PHYHD1: variants seen among roughly 807,000 people sequenced by gnomAD.
PHYHD1 encodes phytanoyl-CoA dioxygenase domain containing 1.
In PHYHD1, 42 loss-of-function variants were observed where a neutral mutation model predicts 43.6. The observed-to-expected ratio is 0.96, with a 90% CI of 0.75 to 1.25. PHYHD1 has a LOEUF of 1.25. Among genes scored for constraint, PHYHD1 ranks in the 50% most tolerant of loss-of-function variants. The pLI is 0.00. For synonymous variants in PHYHD1, 139 were observed against 143.6 expected, an observed-to-expected ratio of 0.97 and a Z score of 0.23; for missense variants, 342 against 370.8, an observed-to-expected ratio of 0.92 and a Z score of 0.64.
chr9:128,936,781 T>C, intron 8 of PHYHD1, 136 bp downstream of exon 8: 1 of 1,047,754 alleles, frequency 9.5e-7, no homozygotes, highest in Non-Finnish European at 1.4e-6. Flanking sequence ...CGGTCTCCTC[T>C]GGCTAAAGCA....
At position 128,923,093 on chromosome 9, in the gene PHYHD1, CGCCACCACACCTG is replaced by C. The variant is rs920651501; in HGVS notation, c.33+740_33+752del. 1.9e-4 allele frequency among the ~76,000 whole-genome samples: 29 copies of C among 152,072 alleles called. 1 individual carries two copies. Among genetic ancestry groups the C allele is most frequent in the Non-Finnish European group, 3.7e-4 (25 of 68,014 alleles). On this transcript the variant is annotated intron_variant, in intron 3 of 12. Transcript: ENST00000372592. ...CCGAATAGCTGGGATTACAGGCATG[CGCCACCACACCTG>C]GCTAATTTTGTATTTTTAGTAGAGA...
intron 4 of PHYHD1, among the ~76,000 whole-genome samples, chr9:128,930,682 G>C (rs1049397137): frequency 6.6e-6 from 1 of 151,900 alleles, no homozygotes; most frequent in African/African-American, 2.4e-5. Flanking sequence ...GGGTGCAGTG[G>C]CTTACGCCTG....
At chr9:128,932,171 TATTATTA>T (rs1841302631) in intron 4 of PHYHD1, among the ~76,000 whole-genome samples, 9 of 118,386 alleles carry the variant, frequency 7.6e-5, no homozygotes, top group African/African-American at 3.1e-4. Context: ...TTATTATTGT[TATTATTA>T]TTATTATTTT....
chr9:128,923,721 G>A (rs1014987393), intron 3 of PHYHD1, among the ~76,000 whole-genome samples: 2 of 152,040 alleles, frequency 1.3e-5, no homozygotes, highest in East Asian at 1.9e-4. Flanking sequence ...TGTGGCTCAC[G>A]TCTGTAATCC....
At position 128,941,533 on chromosome 9, in the gene PHYHD1, C is replaced by T. The variant is rs1461851674; in HGVS notation, c.792C>T (p.Leu264=). 1.9e-6 allele frequency: 3 copies of T among 1,614,142 alleles called. No homozygotes were observed. Among genetic ancestry groups the T allele is most frequent in the Admixed American group, 1.7e-5 (1 of 60,022 alleles). The part of the protein sequence containing the change: ...DRSRQAYTFH[L]MEASGTTWSP... Reference sequence around the variant, plus strand: ...CGCGCCAGGCCTACACTTTCCACCTCATGGAGGCCTCTGGCACCACCTGGA... The same window carrying T: ...CGCGCCAGGCCTACACTTTCCACCTTATGGAGGCCTCTGGCACCACCTGGA... Residue 264 remains leucine (L), a synonymous_variant, in exon 12 of 13, where the codon CTC becomes CTT. Coordinates refer to ENST00000372592, the MANE Select transcript of PHYHD1 (RefSeq NM_001100876.2).
In PHYHD1 at chr9:128,941,580, C is replaced by T. The variant is rs369820798; in HGVS notation, c.830+9C>T. On this transcript the variant is annotated intron_variant, in intron 12 of 12. Transcript: ENST00000372592. ...TGGAGCCCGGAGAACTGGTAGGTGA[C>T]AGGGTGGGTGTGTGTGCCCGACAGT... The T allele has an allele frequency of 1.9e-6, 3 of 1,614,186 alleles. No homozygotes were observed. The highest frequency in any genetic ancestry group is 1.7e-6 in the Non-Finnish European group (2 of 1,180,028).
At position 128,921,578 on chromosome 9, in the gene PHYHD1, C is replaced by G. The variant is rs1199681610; in HGVS notation, c.-250C>G. Reference sequence around the variant, plus strand: ...CTCCAAAGTGCTGGGATTACAGGCCCGAGCCGCCGCACCCGGCCTGCAGGT... The same window carrying G: ...CTCCAAAGTGCTGGGATTACAGGCCGGAGCCGCCGCACCCGGCCTGCAGGT... On this transcript the variant is annotated 5_prime_UTR_variant, in exon 1 of 13. Transcript: ENST00000372592. 6.6e-6 allele frequency: 1 copy of G among 152,338 alleles called. No homozygotes were observed. Among genetic ancestry groups the G allele is most frequent in the Non-Finnish European group, 1.5e-5 (1 of 68,206 alleles). The allele number at this position is 152,338 out of a possible 1,614,324, so 9.4% of individuals were successfully genotyped here. A position where few individuals can be genotyped will look rare whatever the true frequency, so the allele number is the denominator to read the frequency against.
At chr9:128,940,141 T>A (rs545138991) in intron 9 of PHYHD1, among the ~76,000 whole-genome samples, 23 of 152,350 alleles carry the variant, frequency 1.5e-4, no homozygotes, top group Admixed American at 5.2e-4. Flanking sequence ...TCCAGCACCC[T>A]GTGAGGTAGG....
At chr9:128,933,153 T>C (rs1218860692) in intron 4 of PHYHD1, among the ~76,000 whole-genome samples, 6 of 142,362 alleles carry the variant, frequency 4.2e-5, no homozygotes, top group Non-Finnish European at 7.7e-5. Context: ...ACCCAGACTT[T>C]TTTTTTTTTT....
chr9:128,927,245 C>T, intron 4 of PHYHD1, 49 bp downstream of exon 4: 2 of 1,606,032 alleles, frequency 1.2e-6, no homozygotes, highest in Non-Finnish European at 1.7e-6. Context: ...TGAGGGAGGG[C>T]TTGGTCCCCG....
intron 3 of PHYHD1, among the ~76,000 whole-genome samples, chr9:128,924,714 C>G (rs1466928445): frequency 6.6e-6 from 1 of 151,806 alleles, no homozygotes; most frequent in African/African-American, 2.4e-5. Context: ...GTGAGTGGAT[C>G]ACCTGAGGTC....
At chr9:128,941,379 C>A in intron 11 of PHYHD1, 66 bp from the exon 12 acceptor site, 1 of 1,589,612 alleles carries the variant, frequency 6.3e-7, no homozygotes, top group South Asian at 1.1e-5. Flanking sequence ...GGCCCATGTC[C>A]CTTCCTGCTC....
chr9:128,938,624 T>C (rs1841484492), intron 9 of PHYHD1, among the ~76,000 whole-genome samples: 2 of 151,444 alleles, frequency 1.3e-5, no homozygotes, highest in African/African-American at 2.4e-5. Flanking sequence ...GGTTCCACCA[T>C]GTTGGCCAGG....
intron 4 of PHYHD1, among the ~76,000 whole-genome samples, chr9:128,932,175 A>ATTTTTTTTTTTTTTTTTTTT (rs1164525938): frequency 1.9e-5 from 2 of 107,120 alleles, no homozygotes; most frequent in African/African-American, 9.0e-5. Context: ...TATTGTTATT[A>ATTTTTTTTTTTTTTTTTTTT]TTATTATTAT....
At chr9:128,936,969 G>T (rs1841439078) in intron 8 of PHYHD1, among the ~76,000 whole-genome samples, 1 of 152,106 alleles carries the variant, frequency 6.6e-6, no homozygotes, top group Admixed American at 6.6e-5. Context: ...ACAAAAATTA[G>T]CCGGGCGTGA....
intron 5 of PHYHD1, 38 bp from the exon 6 acceptor site, chr9:128,933,973 C>T (rs1409028043): frequency 1.2e-6 from 2 of 1,611,024 alleles, no homozygotes; most frequent in Admixed American, 1.7e-5. Context: ...GAAGGCTGGA[C>T]ACCAGTTCTC....
At chr9:128,926,972 T>C in intron 3 of PHYHD1, 66 bp from the exon 4 acceptor site, 7 of 1,606,912 alleles carry the variant, frequency 4.4e-6, no homozygotes, top group Non-Finnish European at 6.0e-6. Flanking sequence ...AGCTGCAAGG[T>C]TGAGGGAAGG....
rs896205518 is a variant in PHYHD1 at position 128,921,348 on chromosome 9, T to G, written c.-480T>G. 13 of 151,902 alleles carry G rather than the reference T, an allele frequency of 8.6e-5. No homozygotes were observed. The highest frequency in any genetic ancestry group is 6.6e-4 in the Admixed American group (10 of 15,230). The allele number at this position is 151,902 out of a possible 1,614,324, so 9.4% of individuals were successfully genotyped here. Reference sequence around the variant, plus strand: ...GAGTCTCGCTCTGTCGCCCAGGCTCTAGTGCAGTGGCCCAATCTCGGCTCA... The same window carrying G: ...GAGTCTCGCTCTGTCGCCCAGGCTCGAGTGCAGTGGCCCAATCTCGGCTCA... On this transcript the variant is annotated 5_prime_UTR_variant, in exon 1 of 13. Transcript: ENST00000372592.
chr9:128,930,684 T>A (rs887861072), intron 4 of PHYHD1, among the ~76,000 whole-genome samples: 2 of 151,400 alleles, frequency 1.3e-5, no homozygotes, highest in Non-Finnish European at 2.9e-5. Flanking sequence ...GTGCAGTGGC[T>A]TACGCCTGTA....
Sources: gnomAD v4.1 joint callset for allele counts (sites outside exome capture counted in the v4.1 genomes callset) on GRCh38, gnomAD v4.1.1 for gene constraint, MANE v1.5 for transcripts, NCBI Gene and HGNC (gene_info 2026-07-23, HGNC 2026-07-21) for gene names.